Variants in SHISA6 observed in about 807,000 individuals in gnomAD.
The protein encoded by SHISA6 is shisa family member 6.
Under a neutral mutation model 47.9 loss-of-function variants are expected in SHISA6, and 22 were observed. That is an observed-to-expected ratio of 0.46 (90% CI 0.33 to 0.66). SHISA6 has a LOEUF of 0.66. SHISA6 is among the 30% of genes least tolerant of loss of function. The pLI, the probability that SHISA6 is intolerant of heterozygous loss-of-function variation, is 0.02. For missense variants in SHISA6, 680 were observed against 764.6 expected (o/e 0.89, Z 1.30); for synonymous variants, 388 against 337.8 (o/e 1.15, Z -1.63).
intron 1 of SHISA6, among the ~76,000 whole-genome samples, chr17:11,255,757 GT>G (rs1907983648): frequency 6.6e-6 from 1 of 152,220 alleles, no homozygotes; most frequent in Non-Finnish European, 1.5e-5. Flanking sequence ...CACCAAGAGT[GT>G]TGCCAGTTTG....
At chr17:11,452,349 C>T (rs1353799438) in intron 3 of SHISA6, among the ~76,000 whole-genome samples, 1 of 152,190 alleles carries the variant, frequency 6.6e-6, no homozygotes, top group African/African-American at 2.4e-5. Flanking sequence ...GTGCTCACAT[C>T]CCATGCAAAC....
intron 3 of SHISA6, among the ~76,000 whole-genome samples, chr17:11,452,934 TC>T (rs1421811750): frequency 5.1e-4 from 67 of 131,952 alleles, no homozygotes; most frequent in African/African-American, 1.9e-3. Context: ...CTTCTCCCCC[TC>T]CTCTTCCTCC....
chr17:11,257,541 G>A (rs754631123), intron 1 of SHISA6, among the ~76,000 whole-genome samples: 1 of 151,826 alleles, frequency 6.6e-6, no homozygotes, highest in Non-Finnish European at 1.5e-5. Context: ...CTTGCCTATA[G>A]TATCAGCTAC....
At chr17:11,458,514 T>A (rs914913740) in intron 3 of SHISA6, among the ~76,000 whole-genome samples, 10 of 152,252 alleles carry the variant, frequency 6.6e-5, no homozygotes, top group Non-Finnish European at 1.5e-4. Context: ...CATGTGCTAA[T>A]GAGGATGGAT....
intron 3 of SHISA6, among the ~76,000 whole-genome samples, chr17:11,529,500 A>G (rs1157092603): frequency 6.6e-6 from 1 of 152,250 alleles, no homozygotes; most frequent in Non-Finnish European, 1.5e-5. Context: ...CACATATACT[A>G]AGATGCCAAA....
intron 2 of SHISA6, among the ~76,000 whole-genome samples, chr17:11,328,195 G>A (rs1012817523): frequency 1.3e-5 from 2 of 152,042 alleles, no homozygotes; most frequent in Admixed American, 1.3e-4. Context: ...TAGGAAATTG[G>A]GTCCTGGACT....
At chr17:11,451,321 T>C (rs1224506620) in intron 3 of SHISA6, among the ~76,000 whole-genome samples, 1 of 152,240 alleles carries the variant, frequency 6.6e-6, no homozygotes, top group East Asian at 1.9e-4. Context: ...CTTATTCTCT[T>C]TGCCCTATGG....
At chr17:11,304,104 G>C (rs1910022502) in intron 2 of SHISA6, among the ~76,000 whole-genome samples, 1 of 152,200 alleles carries the variant, frequency 6.6e-6, no homozygotes, top group Non-Finnish European at 1.5e-5. Context: ...GCTTTGGGTA[G>C]TTTGCACCTT....
chr17:11,555,048 T>G (rs1362586306), intron 4 of SHISA6, among the ~76,000 whole-genome samples: 3 of 152,036 alleles, frequency 2.0e-5, no homozygotes, highest in Admixed American at 2.0e-4. Context: ...AAGGAGAAAG[T>G]GGGGATGATG....
chr17:11,524,930 T>C (rs9908475), intron 3 of SHISA6, among the ~76,000 whole-genome samples: 2,836 of 152,282 alleles, frequency 0.019, 92 homozygotes, highest in African/African-American at 0.063. Context: ...TTTAGAAAAG[T>C]AATTCCTACA....
chr17:11,546,324 C>T (rs955828370), intron 3 of SHISA6, among the ~76,000 whole-genome samples: 4 of 152,082 alleles, frequency 2.6e-5, no homozygotes, highest in African/African-American at 7.2e-5. Context: ...CTGGGCTTTG[C>T]GGAGAAGGCA....
At position 11,490,594 on chromosome 17, in the gene SHISA6, C is replaced by T. The variant is rs557726232; in HGVS notation, c.896-61302C>T. On this transcript the variant is annotated intron_variant, in intron 3 of 5. Coordinates refer to ENST00000441885, the MANE Select transcript of SHISA6 (RefSeq NM_207386.4). ...CTCCAGCGGTCTCTGAGCCCACATG[C>T]GCTACTACGTTCTGGAGAAGTGCAG... is the stretch of plus-strand genomic sequence containing the variant. Among the ~76,000 whole-genome samples, 6 of 152,274 alleles carry T rather than the reference C, an allele frequency of 3.9e-5. No homozygotes were observed. The South Asian group carries it at 1.2e-3, about 32-fold the overall frequency.
intron 3 of SHISA6, among the ~76,000 whole-genome samples, chr17:11,413,581 T>C (rs1914198303): frequency 1.3e-5 from 2 of 152,064 alleles, no homozygotes; most frequent in Non-Finnish European, 2.9e-5. Flanking sequence ...GGCCGGTTCT[T>C]CTCTCATGTG....
chr17:11,241,566 G>A lies in SHISA6; in HGVS notation c.144G>A (p.Gly48=), dbSNP rs1439713562. 2 of 1,098,706 alleles carry A rather than the reference G, an allele frequency of 1.8e-6. No homozygotes were observed. The highest frequency in any genetic ancestry group is 4.2e-5 in the South Asian group (1 of 23,990). 68.1% of individuals were successfully genotyped at this position (1,098,706 alleles called of 1,614,324 possible). ...CTGCCGTCGGGGGCCGGAGGGCCGG[G>A]GGCGCCCTGGCACGGGGCGGCCGCG... The part of the protein sequence containing the change: ...GGAAVGGRRA[G]GALARGGREL... Residue 48 remains glycine, a synonymous_variant, in exon 1 of 6, where the codon GGG becomes GGA. Coordinates refer to ENST00000441885, the MANE Select transcript of SHISA6 (RefSeq NM_207386.4). This position sits in a 1 kb window ranked among gnomAD's most constrained non-coding sequence, Gnocchi z 5.5.
At chr17:11,503,739 G>C (rs908970762) in intron 3 of SHISA6, among the ~76,000 whole-genome samples, 1 of 152,184 alleles carries the variant, frequency 6.6e-6, no homozygotes, top group African/African-American at 2.4e-5. Context: ...CATGGATGAT[G>C]TTTATCAATT....
intron 3 of SHISA6, among the ~76,000 whole-genome samples, chr17:11,396,488 C>T (rs772200625): frequency 5.4e-4 from 82 of 152,178 alleles, no homozygotes; most frequent in South Asian, 2.1e-4. Flanking sequence ...ATTTATAATC[C>T]TTTGAGTGTA....
rs142987946 is a variant in SHISA6, at chr17:11,268,567, A to G, written c.799+5041A>G. 8.6e-3 allele frequency among the ~76,000 whole-genome samples: 1,317 copies of G among 152,320 alleles called. 24 individuals are homozygous for G. Among genetic ancestry groups the G allele is most frequent in the African/African-American group, 0.031 (1,270 of 41,574 alleles). ...ATTTGTTTTGTGGAATCTGTTGCTC[A>G]AGCAGCACTGTTTTGGAGAGGCCTT... On this transcript the variant is annotated intron_variant, in intron 2 of 5. Coordinates refer to ENST00000441885, the MANE Select transcript of SHISA6 (RefSeq NM_207386.4).
At chr17:11,285,624 A>T (rs774166233) in intron 2 of SHISA6, among the ~76,000 whole-genome samples, 8 of 152,212 alleles carry the variant, frequency 5.3e-5, no homozygotes, top group Non-Finnish European at 7.3e-5. Flanking sequence ...TGGGACAGGA[A>T]TCAATTTCCC....
chr17:11,446,627 G>GGT (rs1458718243), intron 3 of SHISA6, among the ~76,000 whole-genome samples: 1 of 152,224 alleles, frequency 6.6e-6, no homozygotes, highest in Non-Finnish European at 1.5e-5. Flanking sequence ...TTTGGGCAGA[G>GGT]GTGTGTGGGT....
Sources: gnomAD v4.1 joint callset for allele counts (sites outside exome capture counted in the v4.1 genomes callset) on GRCh38, gnomAD v4.1.1 for gene constraint, Gnocchi (gnomAD v3.1) non-coding constraint, MANE v1.5 for transcripts, NCBI Gene and HGNC (gene_info 2026-07-23, HGNC 2026-07-21) for gene names.